Variants in ARPC1A observed in about 807,000 individuals in gnomAD.
ARPC1A encodes the protein actin related protein 2/3 complex subunit 1A.
Under a neutral mutation model 46.9 loss-of-function variants are expected in ARPC1A, and 8 were observed. That is an observed-to-expected ratio of 0.17 (90% confidence interval 0.10 to 0.31). The LOEUF (loss-of-function observed/expected upper bound fraction) is 0.31. ARPC1A is among the 10% of genes least tolerant of loss of function. ARPC1A has a pLI of 1.00. For missense variants in ARPC1A, 286 were observed against 483.6 expected (o/e 0.59, Z 3.83); for synonymous variants, 152 against 169.0 (o/e 0.90, Z 0.78).
At chr7:99,360,660 C>T (rs1470745167) in intron 8 of ARPC1A, among the ~76,000 whole-genome samples, 1 of 152,116 alleles carries the variant, frequency 6.6e-6, no homozygotes. Flanking sequence ...AGAGGAGAGG[C>T]TGGGCATGAT....
intron 1 of ARPC1A, among the ~76,000 whole-genome samples, chr7:99,328,282 T>C (rs918379318): frequency 3.3e-5 from 5 of 152,262 alleles, no homozygotes; most frequent in African/African-American, 1.2e-4. Flanking sequence ...GGCTGGAGAA[T>C]CGCTTGAACC....
At chr7:99,362,752 GA>G (rs1793767652) in intron 8 of ARPC1A, among the ~76,000 whole-genome samples, 1 of 151,970 alleles carries the variant, frequency 6.6e-6, no homozygotes. Flanking sequence ...GTAAGTTCTA[GA>G]CATCTCAAAG....
chr7:99,357,585 C>T (rs1435974502), intron 6 of ARPC1A, among the ~76,000 whole-genome samples: 1 of 151,980 alleles, frequency 6.6e-6, no homozygotes, highest in African/African-American at 2.4e-5. Flanking sequence ...CACCTCAGCC[C>T]CTCAAAGTGC....
intron 8 of ARPC1A, among the ~76,000 whole-genome samples, chr7:99,361,632 A>G (rs186245712): frequency 1.4e-4 from 22 of 152,290 alleles, no homozygotes; most frequent in African/African-American, 4.3e-4. Context: ...TTCTATACAG[A>G]CCAAGTGTTA....
At chr7:99,341,647 A>G (rs924194742) in intron 3 of ARPC1A, among the ~76,000 whole-genome samples, 4 of 151,964 alleles carry the variant, frequency 2.6e-5, no homozygotes, top group Non-Finnish European at 5.9e-5. Context: ...GAATTTTAGA[A>G]TTTAAAAGGA....
In ARPC1A at chr7:99,359,573, A is replaced by G. The variant is rs1793703830; in HGVS notation, c.818A>G (p.Asn273Ser). Residue 273 changes from asparagine to serine, a missense_variant, in exon 8 of 10, where the codon AAC becomes AGC. By Grantham distance (46) the Asn-to-Ser change is conservative. This residue lies in a region of ARPC1A where 182 missense variants were observed against 276.7 expected (regional missense o/e 0.66). Transcript: ENST00000262942. Reference sequence around the variant, plus strand: ...CATGACTGCTGCCCAATGCTCTTTAACTACGATGACCGCGGCTGCCTGACC... The same window carrying G: ...CATGACTGCTGCCCAATGCTCTTTAGCTACGATGACCGCGGCTGCCTGACC... ...AGHDCCPMLF[N>S]YDDRGCLTFV... 6.2e-7 allele frequency: 1 copy of G among 1,614,016 alleles called. No homozygotes were observed. Among genetic ancestry groups the G allele is most frequent in the African/African-American group, 1.3e-5 (1 of 74,910 alleles).
At chr7:99,364,270 T>C (rs56937678) in intron 9 of ARPC1A, among the ~76,000 whole-genome samples, 9,722 of 102,182 alleles carry the variant, frequency 0.095, 423 homozygotes, top group African/African-American at 0.37. Flanking sequence ...ATCTCTCTCT[T>C]TTTTTTTTTT....
At chr7:99,343,739 GAA>G (rs1793393247) in intron 3 of ARPC1A, among the ~76,000 whole-genome samples, 1 of 152,170 alleles carries the variant, frequency 6.6e-6, no homozygotes, top group South Asian at 2.1e-4. Context: ...GCATCATGTA[GAA>G]AAGGTTTTCA....
intron 4 of ARPC1A, among the ~76,000 whole-genome samples, chr7:99,347,195 A>G (rs965194049): frequency 4.6e-5 from 7 of 152,040 alleles, no homozygotes; most frequent in African/African-American, 1.7e-4. Context: ...TCAGCCTCCC[A>G]AGTAGTTGGG....
At chr7:99,336,634 C>T (rs547466807) in intron 2 of ARPC1A, among the ~76,000 whole-genome samples, 1 of 152,104 alleles carries the variant, frequency 6.6e-6, no homozygotes, top group East Asian at 1.9e-4. Flanking sequence ...GCTGGGACTA[C>T]AGGCGCGTGC....
In ARPC1A at chr7:99,366,182, T is replaced by C. The variant is rs536737683; in HGVS notation, c.*253T>C. On this transcript the variant is annotated 3_prime_UTR_variant, in exon 10 of 10. Transcript: ENST00000262942. ...TCTTTAAGTAGTTTATTATGGAAAA[T>C]TGTCACACTAACTTAAAAGACAGGG... 8.2e-6 allele frequency: 4 copies of C among 488,208 alleles called. No individual in the cohort carries two copies. Among genetic ancestry groups the C allele is most frequent in the Non-Finnish European group, 1.5e-5 (4 of 273,772 alleles). The allele number at this position is 488,208 out of a possible 1,614,324, so 30.2% of individuals were successfully genotyped here.
chr7:99,340,766 T>A (rs1047919303), intron 3 of ARPC1A, among the ~76,000 whole-genome samples: 1 of 152,190 alleles, frequency 6.6e-6, no homozygotes, highest in Non-Finnish European at 1.5e-5. Context: ...CTATTCTACA[T>A]CCTTTACAGA....
chr7:99,353,523 G>A (rs749122333), intron 5 of ARPC1A, among the ~76,000 whole-genome samples: 45 of 142,822 alleles, frequency 3.2e-4, no homozygotes, highest in Non-Finnish European at 6.1e-4. Context: ...TGTTGCCCAG[G>A]CTGGAGTGCA....
intron 4 of ARPC1A, among the ~76,000 whole-genome samples, chr7:99,346,808 T>C (rs1466176675): frequency 6.6e-6 from 1 of 152,042 alleles, no homozygotes; most frequent in Non-Finnish European, 1.5e-5. Context: ...AGAAACCCCA[T>C]CTCTACTAAA....
intron 5 of ARPC1A, among the ~76,000 whole-genome samples, chr7:99,352,638 G>A (rs1353338198): frequency 6.7e-6 from 1 of 149,978 alleles, no homozygotes; most frequent in African/African-American, 2.5e-5. Flanking sequence ...GGGCAACAGA[G>A]CCAGACCCCC....
chr7:99,350,227 CTCTCTGTCTCTG>C (rs1476582170), intron 5 of ARPC1A, among the ~76,000 whole-genome samples: 1 of 152,262 alleles, frequency 6.6e-6, no homozygotes, highest in South Asian at 2.1e-4. Context: ...AGCATGTACT[CTCTCTGTCTCTG>C]TCTCTGTCTC....
chr7:99,365,777 C>T (rs1793829041), intron 9 of ARPC1A, 114 bp from the exon 10 acceptor site: 1 of 1,141,258 alleles, frequency 8.8e-7, no homozygotes, highest in Non-Finnish European at 1.3e-6. Flanking sequence ...GGGGCAGGGC[C>T]AGGTTCAGGG....
At chr7:99,348,000 G>T (rs1372470492) in intron 4 of ARPC1A, among the ~76,000 whole-genome samples, 3 of 152,162 alleles carry the variant, frequency 2.0e-5, no homozygotes, top group African/African-American at 7.2e-5. Context: ...ATACTGACTG[G>T]TCCTAGACAT....
At chr7:99,353,677 C>G (rs1313600093) in intron 5 of ARPC1A, among the ~76,000 whole-genome samples, 1 of 151,426 alleles carries the variant, frequency 6.6e-6, no homozygotes, top group African/African-American at 2.4e-5. Flanking sequence ...CGGGGTTTCT[C>G]CATGTTGGTC....
Sources: allele counts gnomAD v4.1 joint callset (sites outside exome capture counted in the v4.1 genomes callset), GRCh38; gene constraint gnomAD v4.1.1; regional missense constraint gnomAD v4.1.1; transcripts MANE v1.5; gene names NCBI Gene and HGNC (gene_info 2026-07-23, HGNC 2026-07-21).